Variants in RALYL observed in about 807,000 individuals in gnomAD.
RALYL encodes the protein RALY RNA binding protein like, also known as RNA-binding Raly-like protein.
A neutral mutation model predicts 35.1 loss-of-function variants in RALYL; 29 were observed. The ratio of observed to expected loss-of-function variants is 0.83; its 90% CI spans 0.61 to 1.13. RALYL has a LOEUF of 1.13. RALYL is among the 50% of genes most tolerant of loss of function. The pLI, the probability that RALYL is intolerant of heterozygous loss-of-function variation, is 0.00. For synonymous variants in RALYL, 120 were observed against 127.6 expected (o/e 0.94, Z 0.40); for missense variants, 359 against 360.4 (o/e 1.00, Z 0.03).
chr8:84,314,826 G>A (rs1373090548), intron 1 of RALYL, among the ~76,000 whole-genome samples: 1 of 152,138 alleles, frequency 6.6e-6, no homozygotes, highest in Non-Finnish European at 1.5e-5. Flanking sequence ...TATTTATAAA[G>A]AGCTTTTGAA....
chr8:84,210,563 A>G (rs1819246592), intron 1 of RALYL, among the ~76,000 whole-genome samples: 1 of 152,128 alleles, frequency 6.6e-6, no homozygotes, highest in South Asian at 2.1e-4. Flanking sequence ...GAAATAAAGT[A>G]TAAATCGCCT....
At chr8:84,741,142 G>T (rs186837644) in intron 2 of RALYL, among the ~76,000 whole-genome samples, 117 of 152,106 alleles carry the variant, frequency 7.7e-4, no homozygotes, top group Admixed American at 5.9e-3. Flanking sequence ...CCTCTCCTTT[G>T]TATGGCTTAT....
At chr8:84,469,858 C>G (rs1383739095) in intron 1 of RALYL, among the ~76,000 whole-genome samples, 1 of 152,156 alleles carries the variant, frequency 6.6e-6, no homozygotes, top group Admixed American at 6.5e-5. Flanking sequence ...GTTTTTTAAG[C>G]CCGTCGGAAA....
intron 2 of RALYL, among the ~76,000 whole-genome samples, chr8:84,759,765 G>T (rs540090284): frequency 3.3e-5 from 5 of 152,146 alleles, no homozygotes; most frequent in Non-Finnish European, 7.4e-5. Context: ...TTCAGAAATT[G>T]ATTATTTCAT....
chr8:84,616,422 T>C lies in RALYL; in HGVS notation c.256+86845T>C, dbSNP rs71351786. Among the ~76,000 whole-genome samples, 7 of 150,446 alleles carry C rather than the reference T, an allele frequency of 4.7e-5. No individual in the cohort carries two copies. In the South Asian group the frequency reaches 6.3e-4, roughly 14 times the overall value. ...TTGAGAAGTGTCTGTTCATGTCCTTTGCCCACTTTTTGATGGGGTTGTTTT... is the reference window on the plus strand; with the variant it reads ...TTGAGAAGTGTCTGTTCATGTCCTTCGCCCACTTTTTGATGGGGTTGTTTT... On this transcript the variant is annotated intron_variant, in intron 2 of 8. Coordinates refer to ENST00000521268, the MANE Select transcript of RALYL (RefSeq NM_173848.7).
chr8:84,619,179 A>G (rs925796042), intron 2 of RALYL, among the ~76,000 whole-genome samples: 2 of 151,616 alleles, frequency 1.3e-5, no homozygotes, highest in African/African-American at 4.9e-5. Flanking sequence ...GATCTGTCTA[A>G]TGTTGACAGT....
At chr8:84,552,356 A>AGATTTT (rs2060794456) in intron 2 of RALYL, among the ~76,000 whole-genome samples, 1 of 49,654 alleles carries the variant, frequency 2.0e-5, no homozygotes, top group East Asian at 6.6e-4. Flanking sequence ...ATATATATAT[A>AGATTTT]TATTTTTTTT....
chr8:84,748,932 C>A (rs556042028), intron 2 of RALYL, among the ~76,000 whole-genome samples: 6 of 152,232 alleles, frequency 3.9e-5, no homozygotes, highest in African/African-American at 1.4e-4. Flanking sequence ...TCCTTGGCAA[C>A]TAAAGTTCCC....
chr8:84,323,343 A>G (rs1043420254), intron 1 of RALYL, among the ~76,000 whole-genome samples: 1 of 152,060 alleles, frequency 6.6e-6, no homozygotes, highest in Admixed American at 6.6e-5. Context: ...TATAACTCTA[A>G]TGTATCATAA....
At chr8:84,273,203 G>A (rs1041996575) in intron 1 of RALYL, among the ~76,000 whole-genome samples, 12 of 152,204 alleles carry the variant, frequency 7.9e-5, no homozygotes, top group African/African-American at 2.9e-4. Flanking sequence ...CAGAGTCTAA[G>A]TGCTTCTAAC....
chr8:84,826,636 T>C (rs1174251042), intron 4 of RALYL, among the ~76,000 whole-genome samples: 1 of 152,030 alleles, frequency 6.6e-6, no homozygotes, highest in Non-Finnish European at 1.5e-5. Context: ...ATGTTGACAT[T>C]TGACATGCCC....
At chr8:84,810,400 T>A (rs968840955) in intron 4 of RALYL, among the ~76,000 whole-genome samples, 3 of 152,172 alleles carry the variant, frequency 2.0e-5, no homozygotes, top group Non-Finnish European at 4.4e-5. Context: ...TTTTATGGCC[T>A]ATTGTATGGC....
chr8:84,909,756 T>G (rs1362921054), intron 8 of RALYL, among the ~76,000 whole-genome samples: 1 of 152,026 alleles, frequency 6.6e-6, no homozygotes, highest in African/African-American at 2.4e-5. Flanking sequence ...GAATATTAAA[T>G]GGAAAAAAAT....
chr8:84,392,638 A>C, intron 1 of RALYL, among the ~76,000 whole-genome samples: 1 of 152,024 alleles, frequency 6.6e-6, no homozygotes, highest in Non-Finnish European at 1.5e-5. Flanking sequence ...GACATCAGGA[A>C]ACATTTTCAG....
intron 1 of RALYL, among the ~76,000 whole-genome samples, chr8:84,334,982 C>A (rs1022228699): frequency 3.3e-5 from 5 of 152,114 alleles, no homozygotes; most frequent in African/African-American, 4.8e-5. Flanking sequence ...GTTTTCTGTT[C>A]TTTCCCTCTA....
chr8:84,468,573 A>C (rs1408690880), intron 1 of RALYL, among the ~76,000 whole-genome samples: 1 of 148,266 alleles, frequency 6.7e-6, no homozygotes, highest in Non-Finnish European at 1.5e-5. Flanking sequence ...GGCTGCCCTT[A>C]ACATTTTTTC....
intron 1 of RALYL, among the ~76,000 whole-genome samples, chr8:84,511,099 T>G (rs947634027): frequency 3.3e-5 from 5 of 152,196 alleles, no homozygotes; most frequent in Admixed American, 6.5e-5. Flanking sequence ...CCCTTAAGCC[T>G]CTTGTAACCA....
chr8:84,411,707 C>A (rs1339852718), intron 1 of RALYL, among the ~76,000 whole-genome samples: 1 of 151,946 alleles, frequency 6.6e-6, no homozygotes, highest in Non-Finnish European at 1.5e-5. Context: ...AAAGTTTCAA[C>A]CATTGATTAT....
chr8:84,700,800 G>T (rs1840054005), intron 2 of RALYL, among the ~76,000 whole-genome samples: 1 of 152,168 alleles, frequency 6.6e-6, no homozygotes, highest in Non-Finnish European at 1.5e-5. Context: ...CCAGACAGTT[G>T]TCAAGACAGC....
Sources: gnomAD v4.1 joint callset for allele counts (sites outside exome capture counted in the v4.1 genomes callset) on GRCh38, gnomAD v4.1.1 for gene constraint, MANE v1.5 for transcripts, NCBI Gene and HGNC (gene_info 2026-07-23, HGNC 2026-07-21) for gene names.